The following RYR1 variants were observed in gnomAD, a reference collection of about 807,000 sequenced individuals.
RYR1 encodes the protein central core disease of muscle.
In RYR1, 342 loss-of-function variants were observed where a neutral mutation model predicts 583.5. The observed-to-expected ratio is 0.59, with a 90% CI of 0.54 to 0.64. The LOEUF (loss-of-function observed/expected upper bound fraction) is 0.64, where lower values mean the gene tolerates loss of function less well. Among genes scored for constraint, RYR1 ranks in the 30% least tolerant of loss-of-function variants. The pLI, the probability that RYR1 is intolerant of heterozygous loss-of-function variation, is 0.00. For synonymous variants in RYR1, 2,791 were observed against 2,822.5 expected, an observed-to-expected ratio of 0.99 and a Z score of 0.35; for missense variants, 6,032 against 6,917.2, an observed-to-expected ratio of 0.87 and a Z score of 4.54.
At chr19:38,553,496 A>G (rs1972754260) in intron 89 of RYR1, among the ~76,000 whole-genome samples, 1 of 151,972 alleles carries the variant, frequency 6.6e-6, no homozygotes, top group Non-Finnish European at 1.5e-5. Context: ...AAAAAAATCA[A>G]AAAATTAGCT....
intron 1 of RYR1, among the ~76,000 whole-genome samples, chr19:38,435,507 G>A (rs576826997): frequency 5.9e-5 from 9 of 152,120 alleles, no homozygotes; most frequent in African/African-American, 1.7e-4. Flanking sequence ...CAAGGTGAGC[G>A]GATCACTTGA....
Position 38,510,785 on chromosome 19 carries a change from G to A in RYR1, c.9122+4G>A. On this transcript the variant is annotated splice_donor_region_variant and intron_variant, in intron 60 of 105. Coordinates refer to ENST00000359596, the MANE Select transcript of RYR1 (RefSeq NM_000540.3). ...AGGAGAAGGAAATGATCACCAGGTG[G>A]GCCGCCTGTGACCCTGGACCCAGCC... 1 of 1,614,148 alleles carries A rather than the reference G, an allele frequency of 6.2e-7. No individual in the cohort carries two copies. Among genetic ancestry groups the A allele is most frequent in the South Asian group, 1.1e-5 (1 of 91,072 alleles).
At chr19:38,503,278 T>C (rs1970285519) in intron 49 of RYR1, among the ~76,000 whole-genome samples, 1 of 152,248 alleles carries the variant, frequency 6.6e-6, no homozygotes, top group African/African-American at 2.4e-5. Context: ...AATTAGCATG[T>C]TTATTTGCAT....
rs1323220224 is a variant in RYR1, at chr19:38,570,468, ATAAT to A, written c.13660-134_13660-131del. ...CTCTGTCTCAAAAATAATAATAATAATAATTAATAAATAAATAGGAGGTTGTAGG... is the reference window on the plus strand; with the variant it reads ...CTCTGTCTCAAAAATAATAATAATAATAATAAATAAATAGGAGGTTGTAGG... On this transcript the variant is annotated intron_variant, in intron 93 of 105. Coordinates refer to ENST00000359596, the MANE Select transcript of RYR1 (RefSeq NM_000540.3). 15 of 414,474 alleles carry A rather than the reference ATAAT, an allele frequency of 3.6e-5. 1 individual carries two copies. The South Asian group carries it at 4.2e-4, about 12-fold the overall frequency. The allele number at this position is 414,474 out of a possible 1,614,324, so 25.7% of individuals were successfully genotyped here.
At position 38,512,142 on chromosome 19, in the gene RYR1, T is replaced by A. The variant is rs754695371; in HGVS notation, c.9233+10T>A. The A allele has an allele frequency of 6.8e-6, 11 of 1,614,062 alleles. No individual in the cohort carries two copies. The East Asian group carries it at 2.5e-4, about 36-fold the overall frequency. On this transcript the variant is annotated intron_variant, in intron 62 of 105. Transcript: ENST00000359596. This position sits in a 1 kb window ranked among gnomAD's most constrained non-coding sequence, Gnocchi z 5.1. Reference sequence around the variant, plus strand: ...GCTCCCTGGATGCCAGGTAGGGCCATAGGCAGTGGCGCCCACTCCCACCAT... The same window carrying A: ...GCTCCCTGGATGCCAGGTAGGGCCAAAGGCAGTGGCGCCCACTCCCACCAT...
intron 61 of RYR1, 134 bp from the exon 62 acceptor site, chr19:38,511,938 G>T (rs1439387814): frequency 3.8e-6 from 4 of 1,054,488 alleles, no homozygotes; most frequent in Non-Finnish European, 5.7e-6. Context: ...GTCTGGGGGG[G>T]TGGGGGTGCA....
chr19:38,520,328 A>G (rs995142205), intron 67 of RYR1, among the ~76,000 whole-genome samples: 4 of 148,540 alleles, frequency 2.7e-5, no homozygotes, highest in Non-Finnish European at 4.5e-5. Flanking sequence ...AGCCTCCCAA[A>G]GTGTTGGGAT....
chr19:38,585,159 G>T, intron 102 of RYR1, 60 bp downstream of exon 102: 1 of 1,583,458 alleles, frequency 6.3e-7, no homozygotes, highest in Non-Finnish European at 8.6e-7. Flanking sequence ...GGCTAAGAAT[G>T]CAGGCCCAGG....
intron 54 of RYR1, 39 bp from the exon 55 acceptor site, chr19:38,506,264 C>A: frequency 6.2e-7 from 1 of 1,600,738 alleles, no homozygotes; most frequent in Non-Finnish European, 8.6e-7. Context: ...TTCCTGCTAG[C>A]CCATCAGCCC....
intron 2 of RYR1, 109 bp downstream of exon 2, chr19:38,440,973 G>A (rs1204105452): frequency 1.8e-6 from 2 of 1,125,020 alleles, no homozygotes; most frequent in South Asian, 1.6e-5. Context: ...GCTGACAGGA[G>A]AGAAAGTGAG....
Position 38,448,680 on chromosome 19 carries a change from T to TGGA in RYR1, c.992_994dup (p.Glu331dup). 1 of 1,614,242 alleles carries TGGA rather than the reference T, an allele frequency of 6.2e-7. No homozygotes were observed. The highest frequency in any genetic ancestry group is 8.5e-7 in the Non-Finnish European group (1 of 1,180,040). ...CTGGATGTGGCCCCCAAGCGGGATG[T>TGGA]GGAGGGCATGGGCCCCCCTGAGATC... On this transcript the variant is annotated inframe_insertion, in exon 11 of 106. Coordinates refer to ENST00000359596, the MANE Select transcript of RYR1 (RefSeq NM_000540.3).
chr19:38,483,175 C>T lies in RYR1; in HGVS notation c.4707+62C>T. The T allele has an allele frequency of 6.3e-7, 1 of 1,598,464 alleles. No homozygotes were observed. On this transcript the variant is annotated intron_variant, in intron 32 of 105. Transcript: ENST00000359596. The surrounding 1 kb of genome is among the most constrained non-coding windows in gnomAD (Gnocchi z 6.3). Reference sequence around the variant, plus strand: ...GCTGAGGCAGGAGATGTGGGGAGGCCAGGCGGGCAGAGCCACTGAAGGGGA... The same window carrying T: ...GCTGAGGCAGGAGATGTGGGGAGGCTAGGCGGGCAGAGCCACTGAAGGGGA...
At position 38,463,499 on chromosome 19, in the gene RYR1, G is replaced by T. The variant is rs370634440; in HGVS notation, c.2654G>T (p.Arg885Leu). The part of the protein sequence containing the change: ...ENIHELWALT[R>L]IEQGWTYGPV... Reference sequence around the variant, plus strand: ...ATCCACGAGCTCTGGGCGCTAACCCGCATCGAGCAGGGCTGGACCTACGGC... The same window carrying T: ...ATCCACGAGCTCTGGGCGCTAACCCTCATCGAGCAGGGCTGGACCTACGGC... Residue 885 changes from arginine to leucine, a missense_variant, in exon 21 of 106, where the codon CGC becomes CTC. This residue lies in a region of RYR1 where 2,627 missense variants were observed against 2,961.3 expected (regional missense o/e 0.89). Transcript: ENST00000359596. 6.2e-7 allele frequency: 1 copy of T among 1,612,934 alleles called. No homozygotes were observed. Among genetic ancestry groups the T allele is most frequent in the South Asian group, 1.1e-5 (1 of 91,076 alleles).
intron 48 of RYR1, 30 bp downstream of exon 48, chr19:38,502,757 AGG>A: frequency 3.4e-6 from 1 of 296,618 alleles, no homozygotes; most frequent in East Asian, 7.1e-5. Context: ...AGGGTGGGGC[AGG>A]GGCAGGGGCA....
chr19:38,562,369 T>C (rs915150789), intron 90 of RYR1, among the ~76,000 whole-genome samples: 1 of 151,680 alleles, frequency 6.6e-6, no homozygotes, highest in Non-Finnish European at 1.5e-5. Flanking sequence ...TGACATATGG[T>C]TCCCCTCCCC....
In RYR1 at chr19:38,472,127, C is replaced by G. The variant is rs566857852; in HGVS notation, c.3766-1250C>G. On this transcript the variant is annotated intron_variant, in intron 27 of 105. Transcript: ENST00000359596. The stretch of plus-strand genomic sequence containing the variant: ...TGGTTTTTGTTTTTTGAGACTGGGT[C>G]TCACTCTGTCACCCAGGCTGGAGTC... Among the ~76,000 whole-genome samples, 6 of 152,126 alleles carry G rather than the reference C, an allele frequency of 3.9e-5. No individual in the cohort carries two copies. The South Asian group carries it at 1.2e-3, about 32-fold the overall frequency.
Position 38,522,859 on chromosome 19 carries a change from GAAAA to G in RYR1, c.10260-164_10260-161del, listed in dbSNP as rs145400994. On this transcript the variant is annotated intron_variant, in intron 67 of 105. Coordinates refer to ENST00000359596, the MANE Select transcript of RYR1 (RefSeq NM_000540.3). ...CAGCTACTCGGGAGGCTGAGACAGAGAAAAAAAATTTTTTTAATGTTCATCTGCA... is the reference window on the plus strand; with the variant it reads ...CAGCTACTCGGGAGGCTGAGACAGAGAAAATTTTTTTAATGTTCATCTGCA... 0.087 allele frequency among the ~76,000 whole-genome samples: 13,225 copies of G among 151,824 alleles called. 713 individuals carry two copies. The highest frequency in any genetic ancestry group is 0.25 in the South Asian group (1,191 of 4,796).
intron 1 of RYR1, among the ~76,000 whole-genome samples, chr19:38,438,768 G>A (rs1258793821): frequency 4.6e-5 from 7 of 151,314 alleles, no homozygotes; most frequent in African/African-American, 1.7e-4. Context: ...ACAGGCGCCC[G>A]CCACCACACC....
rs763151948 is a variant in RYR1 at position 38,440,730 on chromosome 19, C to G, written c.46-15C>G. The G allele has an allele frequency of 1.2e-6, 2 of 1,604,076 alleles. No homozygotes were observed. On this transcript the variant is annotated splice_polypyrimidine_tract_variant and intron_variant, in intron 1 of 105. Transcript: ENST00000359596. ...GGCCAGGCCCCCCTGGAGACGCTGC[C>G]CCTCGGTTCCGCAGGACGATGAGGT...
Sources: gnomAD v4.1 joint callset for allele counts (sites outside exome capture counted in the v4.1 genomes callset) on GRCh38, gnomAD v4.1.1 for gene constraint, gnomAD v4.1.1 regional missense constraint, Gnocchi (gnomAD v3.1) non-coding constraint, MANE v1.5 for transcripts, NCBI Gene and HGNC (gene_info 2026-07-23, HGNC 2026-07-21) for gene names.